Variants in CDH12 observed in about 807,000 individuals in gnomAD.
CDH12 encodes cadherin 12, also known as cadherin-12.
In CDH12, 41 loss-of-function variants were observed where a neutral mutation model predicts 74.1. The ratio of observed to expected loss-of-function variants is 0.55; its 90% CI spans 0.43 to 0.72. CDH12 has a LOEUF of 0.72. Ranked by LOEUF, CDH12 falls within the 30% of genes least tolerant of loss-of-function variation. CDH12 has a pLI of 0.00. For missense variants in CDH12, 945 were observed against 977.2 expected (o/e 0.97, Z 0.44); for synonymous variants, 399 against 355.0 (o/e 1.12, Z -1.39).
intron 1 of CDH12, among the ~76,000 whole-genome samples, chr5:22,616,781 A>G (rs1167733393): frequency 1.3e-5 from 2 of 151,984 alleles, no homozygotes; most frequent in Admixed American, 6.6e-5. Context: ...CTAACCCCCA[A>G]TGTGATGGTA....
chr5:22,732,450 G>A (rs1189014964), intron 1 of CDH12, among the ~76,000 whole-genome samples: 3 of 71,876 alleles, frequency 4.2e-5, no homozygotes, highest in African/African-American at 1.9e-4. Flanking sequence ...ATATGTGAAT[G>A]TGTGTGTATA....
intron 4 of CDH12, among the ~76,000 whole-genome samples, chr5:22,203,497 G>A (rs1026971785): frequency 1.3e-4 from 20 of 152,188 alleles, no homozygotes; most frequent in South Asian, 4.1e-4. Flanking sequence ...CTCATCTGCT[G>A]ATGGACACTT....
At chr5:22,603,301 G>A (rs1736936745) in intron 1 of CDH12, among the ~76,000 whole-genome samples, 1 of 152,152 alleles carries the variant, frequency 6.6e-6, no homozygotes, top group African/African-American at 2.4e-5. Flanking sequence ...AATAGTTACT[G>A]CTAAGATGTT....
chr5:22,660,560 C>T (rs1740295299), intron 1 of CDH12, among the ~76,000 whole-genome samples: 1 of 152,150 alleles, frequency 6.6e-6, no homozygotes, highest in African/African-American at 2.4e-5. Context: ...TACAGGCATG[C>T]ATCACCACGC....
At chr5:22,119,534 C>G (rs1330114855) in intron 4 of CDH12, among the ~76,000 whole-genome samples, 4 of 152,048 alleles carry the variant, frequency 2.6e-5, no homozygotes, top group Non-Finnish European at 5.9e-5. Flanking sequence ...AGGTGATCTG[C>G]CCACCTTGGC....
intron 1 of CDH12, among the ~76,000 whole-genome samples, chr5:22,630,459 G>A (rs569515476): frequency 7.9e-5 from 12 of 152,126 alleles, no homozygotes; most frequent in African/African-American, 1.7e-4. Flanking sequence ...ATAGACCCAC[G>A]GAACTGAATA....
chr5:21,939,063 G>A (rs540620335), intron 6 of CDH12, among the ~76,000 whole-genome samples: 1 of 151,412 alleles, frequency 6.6e-6, no homozygotes, highest in Admixed American at 6.6e-5. Context: ...GACAAGTAAA[G>A]TACAACATAC....
intron 3 of CDH12, among the ~76,000 whole-genome samples, chr5:22,403,003 T>C (rs1742796324): frequency 6.6e-6 from 1 of 152,180 alleles, no homozygotes; most frequent in Admixed American, 6.6e-5. Flanking sequence ...AAGGAATAAA[T>C]TTTGCTGATA....
chr5:22,142,286 A>G (rs950124773), intron 4 of CDH12: 6 of 267,638 alleles, frequency 2.2e-5, no homozygotes, highest in Non-Finnish European at 4.3e-5. Context: ...AGTATAGAGT[A>G]AAAAAGAAAG....
chr5:22,655,935 C>G (rs1440688428), intron 1 of CDH12, among the ~76,000 whole-genome samples: 3 of 152,112 alleles, frequency 2.0e-5, no homozygotes, highest in African/African-American at 7.2e-5. Flanking sequence ...CATGGAGACA[C>G]AGAGCATCAC....
At chr5:21,950,768 T>C (rs1263546038) in intron 6 of CDH12, among the ~76,000 whole-genome samples, 1 of 94,622 alleles carries the variant, frequency 1.1e-5, no homozygotes, top group Non-Finnish European at 2.0e-5. Context: ...TTATTATTAT[T>C]ATTATTATTA....
At chr5:22,446,213 A>G (rs1041677489) in intron 2 of CDH12, among the ~76,000 whole-genome samples, 11 of 152,048 alleles carry the variant, frequency 7.2e-5, no homozygotes, top group Non-Finnish European at 1.2e-4. Context: ...AAGCAGTCAC[A>G]CCAAAGCTGC....
intron 6 of CDH12, among the ~76,000 whole-genome samples, chr5:21,951,972 G>GGAGA (rs1195698355): frequency 1.3e-5 from 2 of 152,128 alleles, no homozygotes; most frequent in African/African-American, 4.8e-5. Context: ...AAAAGACAAT[G>GGAGA]GAGAAGCCAC....
At chr5:22,666,450 C>T (rs1404249145) in intron 1 of CDH12, among the ~76,000 whole-genome samples, 3 of 151,832 alleles carry the variant, frequency 2.0e-5, no homozygotes, top group Non-Finnish European at 2.9e-5. Flanking sequence ...CCACTACGCC[C>T]GGCTAATTTT....
chr5:22,344,468 C>T (rs374282881), intron 3 of CDH12, among the ~76,000 whole-genome samples: 1 of 152,036 alleles, frequency 6.6e-6, no homozygotes, highest in Admixed American at 6.6e-5. Context: ...AATTTGACCA[C>T]TTAACCTATG....
At chr5:22,537,746 G>A (rs755535085) in intron 1 of CDH12, among the ~76,000 whole-genome samples, 2 of 152,102 alleles carry the variant, frequency 1.3e-5, no homozygotes, top group Admixed American at 6.6e-5. Context: ...GCTCCTGACC[G>A]AAATTGTCCA....
At chr5:22,576,586 A>G (rs907740142) in intron 1 of CDH12, among the ~76,000 whole-genome samples, 1 of 152,192 alleles carries the variant, frequency 6.6e-6, no homozygotes, top group Non-Finnish European at 1.5e-5. Flanking sequence ...CAGCCTTAAC[A>G]CTGAAAGAAC....
intron 5 of CDH12, among the ~76,000 whole-genome samples, chr5:21,980,370 G>C (rs1380133871): frequency 2.0e-5 from 3 of 152,032 alleles, no homozygotes; most frequent in African/African-American, 7.2e-5. Flanking sequence ...AGGTAATGAG[G>C]ATGGTTGTGA....
chr5:22,378,241 G>A (rs953422416), intron 3 of CDH12, among the ~76,000 whole-genome samples: 5 of 152,060 alleles, frequency 3.3e-5, no homozygotes, highest in Non-Finnish European at 7.4e-5. Context: ...TAATGTATTA[G>A]AATGCAATAA....
Sources: gnomAD v4.1 joint callset for allele counts (sites outside exome capture counted in the v4.1 genomes callset) on GRCh38, gnomAD v4.1.1 for gene constraint, MANE v1.5 for transcripts, NCBI Gene and HGNC (gene_info 2026-07-23, HGNC 2026-07-21) for gene names.